The following HIVEP3 variants were observed in gnomAD, a reference collection of about 807,000 sequenced individuals.
The protein encoded by HIVEP3 is transcription factor HIVEP3.
In HIVEP3, 49 loss-of-function variants were observed where a neutral mutation model predicts 152.8. That is an observed-to-expected ratio of 0.32 (90% CI 0.26 to 0.41). The LOEUF is 0.41. HIVEP3 is among the 10% of genes least tolerant of loss of function. The probability of loss-of-function intolerance (pLI) is 1.00; values close to 1 mark genes in which losing one functional copy is unlikely to be tolerated. For synonymous variants in HIVEP3, 1,269 were observed against 1,289.0 expected (o/e 0.98, Z 0.33); for missense variants, 2,790 against 3,103.3 (o/e 0.90, Z 2.40).
chr1:41,518,018 T>G (rs1323669858), intron 7 of HIVEP3, among the ~76,000 whole-genome samples: 1 of 152,228 alleles, frequency 6.6e-6, no homozygotes, highest in Admixed American at 6.5e-5. Context: ...ATTCAGGGCA[T>G]GCATTTAGAA....
In HIVEP3 at chr1:41,658,867, T is replaced by C. The variant is rs1168750242; in HGVS notation, c.-720-29920A>G. ...ATCCTTCCAGATGGACCACCTGAAT[T>C]GTCTCCTAAAAACCTCCTGCAAACA... On this transcript the variant is annotated intron_variant, in intron 2 of 8. Transcript: ENST00000372583. Among the ~76,000 whole-genome samples, 4 of 152,194 alleles carry C rather than the reference T, an allele frequency of 2.6e-5. No homozygotes were observed. In the East Asian group the frequency reaches 5.8e-4, roughly 22 times the overall value.
intron 1 of HIVEP3, among the ~76,000 whole-genome samples, chr1:41,941,572 G>A (rs1285483417): frequency 1.3e-5 from 2 of 152,194 alleles, no homozygotes; most frequent in Non-Finnish European, 2.9e-5. Context: ...AGAATAAGCA[G>A]GGAGGGTAAG....
chr1:41,606,003 C>T (rs1644817944), intron 3 of HIVEP3, among the ~76,000 whole-genome samples: 1 of 152,166 alleles, frequency 6.6e-6, no homozygotes, highest in Non-Finnish European at 1.5e-5. Flanking sequence ...AGATGTAGTA[C>T]TGGTGTGGTT....
intron 1 of HIVEP3, among the ~76,000 whole-genome samples, chr1:41,900,166 C>A (rs1291083825): frequency 6.6e-6 from 1 of 152,218 alleles, no homozygotes; most frequent in African/African-American, 2.4e-5. Context: ...TCCTGGCCAG[C>A]AATTCAAGAT....
chr1:41,544,754 C>CCTCTACCTCCACTGCT (rs1643643125), intron 5 of HIVEP3, among the ~76,000 whole-genome samples: 26 of 141,732 alleles, frequency 1.8e-4, no homozygotes, highest in African/African-American at 6.2e-4. Context: ...CCACTACCAC[C>CCTCTACCTCCACTGCT]ACCATCACCA....
At chr1:41,715,682 C>T (rs1646581978) in intron 1 of HIVEP3, among the ~76,000 whole-genome samples, 1 of 152,220 alleles carries the variant, frequency 6.6e-6, no homozygotes. Flanking sequence ...TTGCTGCATG[C>T]TACCATGTGA....
intron 5 of HIVEP3, among the ~76,000 whole-genome samples, chr1:41,562,639 C>CTTTCTTTCTT (rs1558063215): frequency 1.5e-5 from 2 of 131,354 alleles, no homozygotes; most frequent in African/African-American, 6.4e-5. Context: ...CTCTCCCTCT[C>CTTTCTTTCTT]TCTCTCTTTC....
rs56915156 is a variant in HIVEP3 at position 41,628,684 on chromosome 1, G to A, written c.-522+65C>T. The A allele has an allele frequency of 8.3e-5, 93 of 1,117,696 alleles. No homozygotes were observed. The East Asian group carries it at 2.8e-3, about 33-fold the overall frequency. The allele number at this position is 1,117,696 out of a possible 1,614,324, so 69.2% of individuals were successfully genotyped here. ...ATTTTTCAGAGGAAGAACTAAGCAA[G>A]CTCATGCAAGACAGACCAACATGGC... On this transcript the variant is annotated intron_variant, in intron 3 of 8. Coordinates refer to ENST00000372583, the MANE Select transcript of HIVEP3 (RefSeq NM_024503.5).
intron 1 of HIVEP3, chr1:41,864,651 G>A (rs1643936138): frequency 6.6e-6 from 1 of 152,250 alleles, no homozygotes; most frequent in Non-Finnish European, 1.5e-5. Flanking sequence ...AACTGCTTCT[G>A]TCAGGATGGA....
intron 1 of HIVEP3, among the ~76,000 whole-genome samples, chr1:42,026,889 A>T (rs1419492197): frequency 1.3e-5 from 2 of 152,212 alleles, no homozygotes; most frequent in Non-Finnish European, 2.9e-5. Flanking sequence ...AAAGAGCATG[A>T]CTTTTCCAGT....
chr1:41,832,157 C>T (rs995734124), intron 1 of HIVEP3, among the ~76,000 whole-genome samples: 1 of 152,180 alleles, frequency 6.6e-6, no homozygotes, highest in African/African-American at 2.4e-5. Context: ...TGTAAAAGTA[C>T]AGAAGAAGGA....
chr1:41,989,413 T>C (rs1645343611), intron 1 of HIVEP3, among the ~76,000 whole-genome samples: 1 of 151,874 alleles, frequency 6.6e-6, no homozygotes, highest in African/African-American at 2.4e-5. Context: ...CATAGAGCAA[T>C]CTATATGGTA....
intron 2 of HIVEP3, among the ~76,000 whole-genome samples, chr1:41,690,196 CA>C: frequency 1.3e-5 from 2 of 152,278 alleles, no homozygotes; most frequent in Admixed American, 1.3e-4. Flanking sequence ...CATAAAGTTC[CA>C]AAACAGAGAG....
chr1:41,976,207 C>T (rs986169667), intron 1 of HIVEP3, among the ~76,000 whole-genome samples: 1 of 152,226 alleles, frequency 6.6e-6, no homozygotes, highest in Admixed American at 6.5e-5. Flanking sequence ...TCTTGCCGTA[C>T]CTTTCATCTG....
intron 1 of HIVEP3, among the ~76,000 whole-genome samples, chr1:42,031,378 T>C (rs536442049): frequency 1.3e-5 from 2 of 152,356 alleles, no homozygotes; most frequent in East Asian, 3.9e-4. Flanking sequence ...AGGAATATTT[T>C]GTATTTTCTT....
At chr1:41,836,676 G>C (rs762065879) in intron 1 of HIVEP3, among the ~76,000 whole-genome samples, 1 of 152,188 alleles carries the variant, frequency 6.6e-6, no homozygotes, top group Non-Finnish European at 1.5e-5. Context: ...CCCCTTGAAG[G>C]AAATTCACAA....
chr1:41,638,990 G>C (rs1316998539), intron 2 of HIVEP3, among the ~76,000 whole-genome samples: 1 of 152,220 alleles, frequency 6.6e-6, no homozygotes, highest in African/African-American at 2.4e-5. Flanking sequence ...TGGAGAAGAA[G>C]GCTGGCCCTG....
At chr1:41,816,926 A>T (rs1423396907) in intron 1 of HIVEP3, among the ~76,000 whole-genome samples, 1 of 152,088 alleles carries the variant, frequency 6.6e-6, no homozygotes, top group East Asian at 1.9e-4. Context: ...CTCCCATAAG[A>T]TGTCTTCCTG....
At chr1:41,704,543 T>C (rs1021919384) in intron 1 of HIVEP3, among the ~76,000 whole-genome samples, 1 of 152,216 alleles carries the variant, frequency 6.6e-6, no homozygotes, top group Non-Finnish European at 1.5e-5. Context: ...TTACTCTGTT[T>C]CTCCCACTAA....
Sources: allele counts gnomAD v4.1 joint callset (sites outside exome capture counted in the v4.1 genomes callset), GRCh38; gene constraint gnomAD v4.1.1; transcripts MANE v1.5; gene names NCBI Gene and HGNC (gene_info 2026-07-23, HGNC 2026-07-21).